The following RAPGEF1 variants were observed in gnomAD, a reference collection of about 807,000 sequenced individuals.
The protein encoded by RAPGEF1 is CRK SH3-binding GNRP.
A neutral mutation model predicts 143.3 loss-of-function variants in RAPGEF1; 33 were observed. The ratio of observed to expected loss-of-function variants is 0.23; its 90% CI spans 0.17 to 0.31. RAPGEF1 has a LOEUF of 0.31. RAPGEF1 is among the 10% of genes least tolerant of loss of function. RAPGEF1 has a pLI of 1.00. For missense variants in RAPGEF1, 1,199 were observed against 1,645.4 expected (o/e 0.73, Z 4.69); for synonymous variants, 629 against 676.5 (o/e 0.93, Z 1.09).
At position 131,584,104 on chromosome 9, in the gene RAPGEF1, G is replaced by A. The variant is rs1952312099; in HGVS notation, c.3414+207C>T. 2.6e-5 allele frequency among the ~76,000 whole-genome samples: 4 copies of A among 152,182 alleles called. No individual in the cohort carries two copies. Among genetic ancestry groups the A allele is most frequent in the Non-Finnish European group, 5.9e-5 (4 of 68,022 alleles). On this transcript the variant is annotated intron_variant, in intron 24 of 26. Transcript: ENST00000683357. This position sits in a 1 kb window ranked among gnomAD's most constrained non-coding sequence, Gnocchi z 6.8. ...ATGTGACCACCCCAGAACCAACCTCGAAGCTCCCGGGGGCCTGAAGATTGG... is the reference window on the plus strand; with the variant it reads ...ATGTGACCACCCCAGAACCAACCTCAAAGCTCCCGGGGGCCTGAAGATTGG...
intron 1 of RAPGEF1, among the ~76,000 whole-genome samples, chr9:131,724,455 C>T (rs1045003764): frequency 5.9e-5 from 9 of 152,138 alleles, no homozygotes; most frequent in Admixed American, 1.3e-4. Context: ...ATTAGCTGGG[C>T]GTGGTGGCGG....
chr9:131,636,908 T>C (rs548293636), intron 5 of RAPGEF1, among the ~76,000 whole-genome samples: 1 of 152,228 alleles, frequency 6.6e-6, no homozygotes, highest in East Asian at 1.9e-4. Flanking sequence ...CCTAAGCAGA[T>C]ACTAGTAACT....
intron 9 of RAPGEF1, among the ~76,000 whole-genome samples, chr9:131,626,866 C>T (rs1278956423): frequency 2.0e-5 from 3 of 152,054 alleles, no homozygotes; most frequent in East Asian, 1.9e-4. Context: ...TCTGTGAGGC[C>T]GAGGCGGGCC....
At chr9:131,649,988 T>C (rs1253085901) in intron 3 of RAPGEF1, 141 bp downstream of exon 3, 2 of 643,756 alleles carry the variant, frequency 3.1e-6, no homozygotes, top group East Asian at 2.9e-5. Flanking sequence ...CTGGACTCTT[T>C]CCTGAACAAT....
At chr9:131,738,439 G>A (rs949140822) in intron 1 of RAPGEF1, among the ~76,000 whole-genome samples, 3 of 152,186 alleles carry the variant, frequency 2.0e-5, no homozygotes, top group Non-Finnish European at 2.9e-5. Context: ...ATGGTCACTC[G>A]GCAAGGCTGT....
At chr9:131,709,830 C>G (rs1446186177) in intron 1 of RAPGEF1, 8 of 1,443,674 alleles carry the variant, frequency 5.5e-6, no homozygotes, top group Non-Finnish European at 7.3e-6. Flanking sequence ...ACAAGGGAAG[C>G]CTGAGGAATC....
rs1952047048 is a variant in RAPGEF1 at position 131,582,655 on chromosome 9, T to C, written c.3462A>G (p.Arg1154=). 1.3e-6 allele frequency: 2 copies of C among 1,532,574 alleles called. No homozygotes were observed. The highest frequency in any genetic ancestry group is 2.9e-5 in the African/African-American group (2 of 68,654). 94.9% of individuals were successfully genotyped at this position (1,532,574 alleles called of 1,614,324 possible). A position where few individuals can be genotyped will look rare whatever the true frequency, so the allele number is the denominator to read the frequency against. ...CCTCCGAGAGGGCGGCCCGGTAGGC[T>C]CGGAAGGAGGACGAGCTGTCGATCA... is the stretch of plus-strand genomic sequence containing the variant. The part of the protein sequence containing the change: ...CTLIDSSSSF[R]AYRAALSEVE... Residue 1154 remains arginine (R), a synonymous_variant, in exon 25 of 27, where the codon CGA becomes CGG. Coordinates refer to ENST00000683357, the MANE Select transcript of RAPGEF1 (RefSeq NM_001377935.1).
chr9:131,725,065 A>G (rs542485815), intron 1 of RAPGEF1: 1 of 152,394 alleles, frequency 6.6e-6, no homozygotes, highest in Non-Finnish European at 1.5e-5. Context: ...AGTTTTTGAA[A>G]ACAGCCATCC....
At chr9:131,732,619 C>G (rs1172286783) in intron 1 of RAPGEF1, among the ~76,000 whole-genome samples, 1 of 152,182 alleles carries the variant, frequency 6.6e-6, no homozygotes, top group African/African-American at 2.4e-5. Flanking sequence ...CAGGAAAACA[C>G]AGAACCCCCA....
intron 18 of RAPGEF1, among the ~76,000 whole-genome samples, chr9:131,591,216 C>T (rs956778366): frequency 6.6e-6 from 1 of 152,192 alleles, no homozygotes; most frequent in Admixed American, 6.5e-5. Flanking sequence ...AAGGTCAACA[C>T]GAGGGGAGAA....
Position 131,641,061 on chromosome 9 carries a change from C to T in RAPGEF1, c.494+2178G>A, listed in dbSNP as rs1967812459. Among the ~76,000 whole-genome samples the T allele has an allele frequency of 6.6e-6, 1 of 152,094 alleles. No individual in the cohort carries two copies. Among genetic ancestry groups the T allele is most frequent in the African/African-American group, 2.4e-5 (1 of 41,396 alleles). ...ACATTCAATGTCAATTAAGAGCCAC[C>T]CCTCAATAGACAAAAAATACCCCCA... On this transcript the variant is annotated intron_variant, in intron 4 of 26. Transcript: ENST00000683357. The surrounding 1 kb of genome is among the most constrained non-coding windows in gnomAD (Gnocchi z 4.6).
At chr9:131,581,147 C>A (rs1951802823) in intron 25 of RAPGEF1, among the ~76,000 whole-genome samples, 1 of 148,456 alleles carries the variant, frequency 6.7e-6, no homozygotes, top group Admixed American at 6.8e-5. Flanking sequence ...GCCTGGGTAA[C>A]AAGAACGTAA....
In RAPGEF1 at chr9:131,695,087, C is replaced by T. The variant is rs1834061234; in HGVS notation, c.62-44138G>A. Among the ~76,000 whole-genome samples, 3 of 151,644 alleles carry T rather than the reference C, an allele frequency of 2.0e-5. No individual in the cohort carries two copies. The South Asian group carries it at 6.3e-4, about 32-fold the overall frequency. The stretch of plus-strand genomic sequence containing the variant: ...TCTATTGTGTATTTTCACCTACTAG[C>T]AATATAGGTTTCATGAGGATATCTG... On this transcript the variant is annotated intron_variant, in intron 1 of 26. Coordinates refer to ENST00000683357, the MANE Select transcript of RAPGEF1 (RefSeq NM_001377935.1).
chr9:131,581,469 AC>A (rs1162147209), intron 25 of RAPGEF1, among the ~76,000 whole-genome samples: 3 of 151,870 alleles, frequency 2.0e-5, no homozygotes, highest in Non-Finnish European at 2.9e-5. Flanking sequence ...CAGGTGGATC[AC>A]CTGAGGTCAA....
intron 1 of RAPGEF1, among the ~76,000 whole-genome samples, chr9:131,710,860 G>C (rs1835456142): frequency 6.6e-6 from 1 of 152,122 alleles, no homozygotes; most frequent in Non-Finnish European, 1.5e-5. Context: ...CTGCACTCCA[G>C]CCTGGGTGCA....
chr9:131,597,195 G>C (rs925919549), intron 16 of RAPGEF1, among the ~76,000 whole-genome samples: 1 of 152,206 alleles, frequency 6.6e-6, no homozygotes, highest in Non-Finnish European at 1.5e-5. Context: ...CACACTCCGG[G>C]ACTAGCCCAC....
At chr9:131,701,288 T>A (rs1589049755) in intron 1 of RAPGEF1, among the ~76,000 whole-genome samples, 1 of 152,186 alleles carries the variant, frequency 6.6e-6, no homozygotes, top group African/African-American at 2.4e-5. Flanking sequence ...AATTTGGAGG[T>A]ATCTGATGAC....
chr9:131,587,902 GACAA>G (rs67451016), intron 21 of RAPGEF1, 36 bp downstream of exon 21: 156,074 of 1,601,222 alleles, frequency 0.097, 8,318 homozygotes, highest in Middle Eastern at 0.22. Flanking sequence ...CTCATTCAGG[GACAA>G]ACAGTGTGGC....
At chr9:131,593,193 A>G (rs1425383911) in intron 17 of RAPGEF1, among the ~76,000 whole-genome samples, 1 of 152,218 alleles carries the variant, frequency 6.6e-6, no homozygotes, top group Non-Finnish European at 1.5e-5. Flanking sequence ...TGGCAGCTCC[A>G]GCTTACCCCT....
Sources: gnomAD v4.1 joint callset for allele counts (sites outside exome capture counted in the v4.1 genomes callset) on GRCh38, gnomAD v4.1.1 for gene constraint, Gnocchi (gnomAD v3.1) non-coding constraint, MANE v1.5 for transcripts, NCBI Gene and HGNC (gene_info 2026-07-23, HGNC 2026-07-21) for gene names.